The following DDAH1 variants were observed in gnomAD, a reference collection of about 807,000 sequenced individuals.
DDAH1 encodes N(G),N(G)-dimethylarginine dimethylaminohydrolase 1.
In DDAH1, 19 loss-of-function variants were observed where a neutral mutation model predicts 28.8. The observed-to-expected ratio is 0.66, with a 90% CI of 0.46 to 0.97. The LOEUF is 0.97. DDAH1 is among the 50% of genes least tolerant of loss of function. The probability of loss-of-function intolerance (pLI) is 0.00; values close to 1 mark genes in which losing one functional copy is unlikely to be tolerated. For synonymous variants in DDAH1, 153 were observed against 154.4 expected, an observed-to-expected ratio of 0.99 and a Z score of 0.07; for missense variants, 326 against 375.9, an observed-to-expected ratio of 0.87 and a Z score of 1.10.
At chr1:85,393,581 C>G (rs183426575) in intron 1 of DDAH1, among the ~76,000 whole-genome samples, 1 of 152,310 alleles carries the variant, frequency 6.6e-6, no homozygotes, top group African/African-American at 2.4e-5. Context: ...TTTCTAAGGG[C>G]TTCTCTTTCT....
chr1:85,347,835 CAAAT>C (rs972842753), intron 4 of DDAH1, among the ~76,000 whole-genome samples: 1 of 152,166 alleles, frequency 6.6e-6, no homozygotes, highest in African/African-American at 2.4e-5. Flanking sequence ...AAACTGCTCT[CAAAT>C]AAATAAAGCA....
chr1:85,368,234 T>C (rs972720255), intron 1 of DDAH1, among the ~76,000 whole-genome samples: 1 of 152,208 alleles, frequency 6.6e-6, no homozygotes, highest in African/African-American at 2.4e-5. Flanking sequence ...GGAATTAATA[T>C]TTCAACACTC....
intron 1 of DDAH1, among the ~76,000 whole-genome samples, chr1:85,510,858 T>C (rs1657199362): frequency 1.3e-5 from 2 of 152,178 alleles, no homozygotes; most frequent in South Asian, 4.1e-4. Context: ...AGCAAGTCCT[T>C]AGAGACCTAA....
At chr1:85,416,239 A>C (rs920381617) in intron 1 of DDAH1, among the ~76,000 whole-genome samples, 2 of 150,904 alleles carry the variant, frequency 1.3e-5, no homozygotes, top group African/African-American at 4.9e-5. Flanking sequence ...TATATATAGT[A>C]TTTGGTTTTT....
chr1:85,520,834 T>C (rs1373112966), intron 1 of DDAH1, among the ~76,000 whole-genome samples: 1 of 152,228 alleles, frequency 6.6e-6, no homozygotes, highest in Non-Finnish European at 1.5e-5. Context: ...AACACAGGAA[T>C]ATGTCAATAT....
At chr1:85,444,921 C>T (rs767428434) in intron 1 of DDAH1, among the ~76,000 whole-genome samples, 2 of 151,998 alleles carry the variant, frequency 1.3e-5, no homozygotes, top group Admixed American at 1.3e-4. Context: ...CAAGGTCCCA[C>T]AATAGGCCAT....
At chr1:85,524,147 A>G (rs1657782196) in intron 1 of DDAH1, among the ~76,000 whole-genome samples, 1 of 152,134 alleles carries the variant, frequency 6.6e-6, no homozygotes, top group South Asian at 2.1e-4. Flanking sequence ...TTACAGGTTA[A>G]TGGGGGAGAT....
intron 1 of DDAH1, among the ~76,000 whole-genome samples, chr1:85,412,390 CA>C (rs1652690805): frequency 6.6e-6 from 1 of 152,206 alleles, no homozygotes; most frequent in South Asian, 2.1e-4. Context: ...TCCCTCATGG[CA>C]AACCACAATG....
intron 2 of DDAH1, among the ~76,000 whole-genome samples, chr1:85,476,088 G>A (rs182908381): frequency 5.3e-4 from 80 of 152,182 alleles, no homozygotes; most frequent in Non-Finnish European, 2.4e-4. Context: ...TCTCAAACTC[G>A]TGAACTCAAG....
chr1:85,386,479 C>T (rs533269679), intron 1 of DDAH1, among the ~76,000 whole-genome samples: 11 of 152,382 alleles, frequency 7.2e-5, no homozygotes, highest in Admixed American at 6.5e-4. Flanking sequence ...CTATGTCCCA[C>T]ATCCAGAGCA....
chr1:85,476,165 A>T (rs1655797619), intron 2 of DDAH1, among the ~76,000 whole-genome samples: 1 of 152,166 alleles, frequency 6.6e-6, no homozygotes, highest in Non-Finnish European at 1.5e-5. Flanking sequence ...TCCAGCCTCA[A>T]GATAGTTGTT....
At chr1:85,326,573 A>C (rs1433009381) in intron 4 of DDAH1, among the ~76,000 whole-genome samples, 1 of 152,202 alleles carries the variant, frequency 6.6e-6, no homozygotes, top group Non-Finnish European at 1.5e-5. Flanking sequence ...GCTCTTTCTC[A>C]ACTTCTGCAG....
Position 85,353,113 on chromosome 1 carries a change from T to G in DDAH1, c.404-1534A>C, listed in dbSNP as rs367876080. 2.6e-5 allele frequency among the ~76,000 whole-genome samples: 4 copies of G among 152,306 alleles called. No individual in the cohort carries two copies. In the East Asian group the frequency reaches 7.7e-4, roughly 29 times the overall value. ...TACAAAGTACAAAATTTCTGCAGGA[T>G]GAAACTTCATTCTTATTTGACTTTT... On this transcript the variant is annotated intron_variant, in intron 2 of 5. Transcript: ENST00000284031.
intron 1 of DDAH1, among the ~76,000 whole-genome samples, chr1:85,529,768 G>A (rs541813815): frequency 2.0e-4 from 29 of 148,490 alleles, no homozygotes; most frequent in African/African-American, 7.0e-4. Flanking sequence ...ACAGTTACTG[G>A]GCACATTTTC....
chr1:85,319,260 G>C lies in DDAH1; in HGVS notation c.*2192C>G, dbSNP rs1419870410. The C allele has an allele frequency of 3.3e-5, 5 of 152,200 alleles. No homozygotes were observed. Among genetic ancestry groups the C allele is most frequent in the African/African-American group, 9.7e-5 (4 of 41,448 alleles). The allele number at this position is 152,200 out of a possible 1,614,324, so 9.4% of individuals were successfully genotyped here. ...GAATGCAATGTAGAAGAGGCACACA[G>C]AGTCTAAGTGATTTCTCCAGACAAA... is the stretch of plus-strand genomic sequence containing the variant. On this transcript the variant is annotated 3_prime_UTR_variant, in exon 6 of 6. Transcript: ENST00000284031.
intron 2 of DDAH1, among the ~76,000 whole-genome samples, chr1:85,475,021 A>T (rs1655748457): frequency 6.6e-6 from 1 of 152,298 alleles, no homozygotes; most frequent in East Asian, 1.9e-4. Context: ...CATAGTTATT[A>T]TGAGGACTAA....
intron 1 of DDAH1, among the ~76,000 whole-genome samples, chr1:85,503,902 T>A (rs1656916316): frequency 6.6e-6 from 1 of 152,084 alleles, no homozygotes; most frequent in African/African-American, 2.4e-5. Flanking sequence ...ATTGCTGCAA[T>A]GTAACGATCC....
intron 1 of DDAH1, among the ~76,000 whole-genome samples, chr1:85,421,981 A>C (rs889316290): frequency 4.6e-5 from 7 of 152,204 alleles, no homozygotes; most frequent in Admixed American, 1.3e-4. Context: ...TTGTATGGTA[A>C]GATCATGTTT....
At chr1:85,422,967 T>C (rs932786161) in intron 1 of DDAH1, among the ~76,000 whole-genome samples, 1 of 152,216 alleles carries the variant, frequency 6.6e-6, no homozygotes, top group Non-Finnish European at 1.5e-5. Context: ...TCCAGACCTA[T>C]GAGAAAATAA....
Sources: allele counts gnomAD v4.1 joint callset (sites outside exome capture counted in the v4.1 genomes callset), GRCh38; gene constraint gnomAD v4.1.1; transcripts MANE v1.5; gene names NCBI Gene and HGNC (gene_info 2026-07-23, HGNC 2026-07-21).